PRRG4: variants seen among roughly 807,000 people sequenced by gnomAD.
PRRG4 encodes transmembrane gamma-carboxyglutamic acid protein 4.
In PRRG4, 12 loss-of-function variants were observed where a neutral mutation model predicts 20.0. The ratio of observed to expected loss-of-function variants is 0.60; its 90% CI spans 0.38 to 0.97. PRRG4 has a LOEUF of 0.97. Among genes scored for constraint, PRRG4 ranks in the 50% least tolerant of loss-of-function variants. The probability of loss-of-function intolerance (pLI) is 0.00; values close to 1 mark genes in which losing one functional copy is unlikely to be tolerated. For synonymous variants in PRRG4, 94 were observed against 96.4 expected, an observed-to-expected ratio of 0.98 and a Z score of 0.15; for missense variants, 199 against 265.1, an observed-to-expected ratio of 0.75 and a Z score of 1.73.
At chr11:32,830,486 T>A (rs1850958013) in intron 1 of PRRG4, 22 bp from the exon 2 acceptor site, 2 of 1,433,186 alleles carry the variant, frequency 1.4e-6, no homozygotes, top group Non-Finnish European at 1.8e-6. Context: ...TTTTTTTTAA[T>A]ATTTTTTTTT....
At chr11:32,830,412 C>A in intron 1 of PRRG4, 96 bp from the exon 2 acceptor site, 1 of 1,058,940 alleles carries the variant, frequency 9.4e-7, no homozygotes. Flanking sequence ...TGCGCCTAGG[C>A]TTTGAGTACA....
Position 32,857,615 on chromosome 11 carries a change from A to G in PRRG4, c.*4088A>G, listed in dbSNP as rs1232365352. 6.6e-6 allele frequency: 1 copy of G among 152,120 alleles called. No individual in the cohort carries two copies. Among genetic ancestry groups the G allele is most frequent in the African/African-American group, 2.4e-5 (1 of 41,410 alleles). The allele number at this position is 152,120 out of a possible 1,614,324, so 9.4% of individuals were successfully genotyped here. On this transcript the variant is annotated 3_prime_UTR_variant, in exon 6 of 6. Transcript: ENST00000257836. ...CTTCTCAGATAATTTATGTGTGTGT[A>G]CTCTTCCTAGACGTACAAGAGACTT...
chr11:32,848,615 CAT>C (rs755363252), intron 5 of PRRG4, among the ~76,000 whole-genome samples: 14 of 149,094 alleles, frequency 9.4e-5, no homozygotes, highest in African/African-American at 2.0e-4. Context: ...TATATGTATA[CAT>C]ATATATATAT....
At chr11:32,832,743 G>A (rs975442612) in intron 2 of PRRG4, among the ~76,000 whole-genome samples, 1 of 152,184 alleles carries the variant, frequency 6.6e-6, no homozygotes, top group East Asian at 1.9e-4. Context: ...TCGGCCTCCC[G>A]AAGGGCTGGG....
chr11:32,841,521 T>C (rs1565115249), intron 5 of PRRG4, among the ~76,000 whole-genome samples: 1 of 152,090 alleles, frequency 6.6e-6, no homozygotes, highest in East Asian at 1.9e-4. Flanking sequence ...AAAATTTGCC[T>C]GGCATGGTGG....
rs934764421 is a variant in PRRG4, at chr11:32,829,946, G to A, written c.-250G>A. 1.0e-6 allele frequency: 1 copy of A among 985,634 alleles called. No individual in the cohort carries two copies. The highest frequency in any genetic ancestry group is 4.7e-5 in the South Asian group (1 of 21,294). 61.1% of individuals were successfully genotyped at this position (985,634 alleles called of 1,614,324 possible). A position where few individuals can be genotyped will look rare whatever the true frequency, so the allele number is the denominator to read the frequency against. On this transcript the variant is annotated 5_prime_UTR_variant, in exon 1 of 6. Transcript: ENST00000257836. ...CCCGTCCTCCGTCGGCCGCCTCCCCGGACCGAGGCAGGACCTCACCCCGCG... is the reference window on the plus strand; with the variant it reads ...CCCGTCCTCCGTCGGCCGCCTCCCCAGACCGAGGCAGGACCTCACCCCGCG...
chr11:32,838,611 G>C (rs529333852), intron 3 of PRRG4, among the ~76,000 whole-genome samples: 2 of 152,102 alleles, frequency 1.3e-5, no homozygotes, highest in Admixed American at 6.5e-5. Flanking sequence ...ATGCTTTAGT[G>C]GGGGCTCCAG....
chr11:32,846,725 C>T (rs1025405975), intron 5 of PRRG4, among the ~76,000 whole-genome samples: 7 of 152,086 alleles, frequency 4.6e-5, no homozygotes, highest in Non-Finnish European at 7.4e-5. Flanking sequence ...TGGGGCCACA[C>T]GCGGTGGCTC....
chr11:32,837,352 T>C (rs767987358), intron 3 of PRRG4, among the ~76,000 whole-genome samples: 1 of 152,046 alleles, frequency 6.6e-6, no homozygotes, highest in Non-Finnish European at 1.5e-5. Flanking sequence ...TATTCGGAAG[T>C]ATATTATTTG....
rs1445647948 is a variant in PRRG4, at chr11:32,856,131, A to G, written c.*2604A>G. The G allele has an allele frequency of 6.6e-6, 1 of 152,202 alleles. No individual in the cohort carries two copies. The highest frequency in any genetic ancestry group is 1.5e-5 in the Non-Finnish European group (1 of 68,036). 9.4% of individuals were successfully genotyped at this position (152,202 alleles called of 1,614,324 possible). On this transcript the variant is annotated 3_prime_UTR_variant, in exon 6 of 6. Coordinates refer to ENST00000257836, the MANE Select transcript of PRRG4 (RefSeq NM_024081.6). Reference sequence around the variant, plus strand: ...ATACATATGAAAATATTTATGATGAATAGAATTATAAGATATGTATGTATC... The same window carrying G: ...ATACATATGAAAATATTTATGATGAGTAGAATTATAAGATATGTATGTATC...
intron 5 of PRRG4, among the ~76,000 whole-genome samples, chr11:32,849,096 C>T (rs907355753): frequency 6.6e-6 from 1 of 152,102 alleles, no homozygotes; most frequent in African/African-American, 2.4e-5. Flanking sequence ...GACACAGTGT[C>T]TCACGCCTAT....
intron 3 of PRRG4, 92 bp from the exon 4 acceptor site, chr11:32,838,790 G>A (rs531919637): frequency 5.7e-6 from 5 of 879,992 alleles, no homozygotes; most frequent in South Asian, 4.2e-5. Flanking sequence ...TGCATGCCAA[G>A]AGTTTACTAC....
chr11:32,842,657 T>C (rs1236037657), intron 5 of PRRG4, among the ~76,000 whole-genome samples: 4 of 151,286 alleles, frequency 2.6e-5, no homozygotes, highest in African/African-American at 9.7e-5. Flanking sequence ...GAGGCAGAGG[T>C]TGTGGTGAGC....
At chr11:32,838,751 G>A (rs1851047613) in intron 3 of PRRG4, 131 bp from the exon 4 acceptor site, 1 of 633,994 alleles carries the variant, frequency 1.6e-6, no homozygotes, top group Non-Finnish European at 2.9e-6. Flanking sequence ...ACACCCTCCA[G>A]CTTGAATGAA....
rs1268061863 is a variant in PRRG4, at chr11:32,837,596, C to T, written c.267+775C>T. On this transcript the variant is annotated intron_variant, in intron 3 of 5. Coordinates refer to ENST00000257836, the MANE Select transcript of PRRG4 (RefSeq NM_024081.6). ...TATTATTATTATCTGGAGACGGAGT[C>T]GCCCAGGCTGGAGTGCAGTGGAGCA... Among the ~76,000 whole-genome samples the T allele has an allele frequency of 4.0e-5, 6 of 149,170 alleles. No individual in the cohort carries two copies. In the South Asian group the frequency reaches 1.0e-3, roughly 26 times the overall value.
At chr11:32,834,302 A>C (rs1470407028) in intron 2 of PRRG4, among the ~76,000 whole-genome samples, 1 of 152,208 alleles carries the variant, frequency 6.6e-6, no homozygotes, top group African/African-American at 2.4e-5. Flanking sequence ...TAGGAATCCC[A>C]GTGAGGGGTG....
chr11:32,830,473 C>T (rs992834247), intron 1 of PRRG4, 35 bp from the exon 2 acceptor site: 178 of 1,194,346 alleles, frequency 1.5e-4, no homozygotes, highest in Middle Eastern at 3.1e-4. Context: ...AGCTAGGGGC[C>T]TTTTTTTTTT....
intron 5 of PRRG4, among the ~76,000 whole-genome samples, chr11:32,847,776 C>A (rs1851144302): frequency 6.6e-6 from 1 of 152,112 alleles, no homozygotes; most frequent in Non-Finnish European, 1.5e-5. Flanking sequence ...GTGGTATATC[C>A]ATGCAATGAA....
intron 2 of PRRG4, among the ~76,000 whole-genome samples, chr11:32,832,018 A>G (rs920184575): frequency 1.3e-5 from 2 of 152,140 alleles, no homozygotes; most frequent in Admixed American, 6.6e-5. Flanking sequence ...AAATAAATAA[A>G]TAAATAAATA....
Sources: gnomAD v4.1 joint callset for allele counts (sites outside exome capture counted in the v4.1 genomes callset) on GRCh38, gnomAD v4.1.1 for gene constraint, MANE v1.5 for transcripts, NCBI Gene and HGNC (gene_info 2026-07-23, HGNC 2026-07-21) for gene names.